NAV2: variants seen among roughly 807,000 people sequenced by gnomAD.
The protein encoded by NAV2 is helicase, APC down-regulated 1.
NAV2 carries 54 observed loss-of-function variants against 223.2 expected under a neutral mutation model. The ratio of observed to expected loss-of-function variants is 0.24; its 90% CI spans 0.19 to 0.30. The LOEUF is 0.30. NAV2 is among the 10% of genes least tolerant of loss of function. The pLI is 1.00. For missense variants in NAV2, 2,806 were observed against 3,147.5 expected, an observed-to-expected ratio of 0.89 and a Z score of 2.60; for synonymous variants, 1,279 against 1,239.3, an observed-to-expected ratio of 1.03 and a Z score of -0.67.
At chr11:19,997,624 G>A (rs1294230742) in intron 11 of NAV2, among the ~76,000 whole-genome samples, 1 of 152,134 alleles carries the variant, frequency 6.6e-6, no homozygotes, top group Non-Finnish European at 1.5e-5. Flanking sequence ...AAGGAATCCT[G>A]GCTCAGTGAG....
chr11:20,103,329 C>A lies in NAV2; in HGVS notation c.6492C>A (p.Val2164=). The change falls in exon 33 of 38, where the codon GTC becomes GTA. Residue 2164 remains valine, a synonymous_variant. Transcript: ENST00000349880. ...SENNAVDMPL[V]IILDNLHHVS... is the part of the protein sequence containing the mutation. ...ACAATGCTGTGGACATGCCCCTCGT[C>A]ATCATCCTGGACAACCTACACCACG... 2 of 1,614,186 alleles carry A rather than the reference C, an allele frequency of 1.2e-6. No individual in the cohort carries two copies. The highest frequency in any genetic ancestry group is 1.7e-6 in the Non-Finnish European group (2 of 1,180,000).
intron 1 of NAV2, among the ~76,000 whole-genome samples, chr11:19,394,254 G>A (rs1392428018): frequency 1.2e-4 from 18 of 152,160 alleles, no homozygotes; most frequent in Admixed American, 1.2e-3. Context: ...CTGGGAAAGA[G>A]GGTATTTCCC....
At chr11:19,878,990 G>A (rs1429853211) in intron 4 of NAV2, among the ~76,000 whole-genome samples, 1 of 152,118 alleles carries the variant, frequency 6.6e-6, no homozygotes. Context: ...TGTTGAGTAA[G>A]TTTGCCCCCA....
intron 1 of NAV2, among the ~76,000 whole-genome samples, chr11:19,434,836 C>G (rs557511474): frequency 7.1e-5 from 10 of 141,608 alleles, no homozygotes; most frequent in African/African-American, 2.6e-4. Context: ...AGGAAAGAAG[C>G]AAAAGGTTGT....
intron 1 of NAV2, among the ~76,000 whole-genome samples, chr11:19,745,753 A>G (rs56924899): frequency 1.1e-3 from 175 of 152,298 alleles, no homozygotes; most frequent in African/African-American, 4.0e-3. Context: ...TGCAGTTCAC[A>G]ATCGGGTTCA....
At chr11:19,880,226 T>G in intron 5 of NAV2, 99 bp downstream of exon 5, 1 of 1,422,494 alleles carries the variant, frequency 7.0e-7, no homozygotes, top group Non-Finnish European at 9.3e-7. Context: ...CATTTGTGCT[T>G]CTTCAATGCT....
intron 1 of NAV2, among the ~76,000 whole-genome samples, chr11:19,380,800 C>A (rs888532848): frequency 3.9e-5 from 6 of 152,200 alleles, no homozygotes; most frequent in African/African-American, 1.2e-4. Context: ...GAACAAAGAA[C>A]CACTTGTGTA....
rs192914917 is a variant in NAV2, at chr11:19,378,750, C to T, written c.75+27723C>T. ...TTGATTGTCTCCTCTGAAAGAATAG[C>T]TGATCAGCACACACACCTTAGTGCT... On this transcript the variant is annotated intron_variant, in intron 1 of 37. Coordinates refer to the NAV2 transcript ENST00000360655. Among the ~76,000 whole-genome samples the T allele has an allele frequency of 8.4e-3, 1,286 of 152,240 alleles. 13 individuals are homozygous for T. The highest frequency in any genetic ancestry group is 0.029 in the African/African-American group (1,225 of 41,544).
intron 25 of NAV2, among the ~76,000 whole-genome samples, chr11:20,082,214 T>C (rs907161451): frequency 2.0e-5 from 3 of 152,132 alleles, no homozygotes; most frequent in Admixed American, 6.6e-5. Context: ...GAAGCTAGAA[T>C]TGCTCAAAAA....
At chr11:19,920,352 A>G (rs374716797) in intron 6 of NAV2, among the ~76,000 whole-genome samples, 30 of 152,334 alleles carry the variant, frequency 2.0e-4, no homozygotes, top group Non-Finnish European at 4.0e-4. Flanking sequence ...CAGTGGCTCA[A>G]TCTCAGCTCA....
At chr11:20,050,018 C>T in intron 16 of NAV2, 117 bp downstream of exon 16, 1 of 844,220 alleles carries the variant, frequency 1.2e-6, no homozygotes, top group South Asian at 1.4e-5. Context: ...GTGTTTGTGG[C>T]TCTAGTGTAC....
intron 1 of NAV2, among the ~76,000 whole-genome samples, chr11:19,551,465 C>T (rs1046829702): frequency 2.6e-5 from 4 of 152,218 alleles, no homozygotes; most frequent in Non-Finnish European, 4.4e-5. Flanking sequence ...GGCTGCTCCC[C>T]AGCCTGAGCC....
At chr11:19,388,369 G>A (rs1409530648) in intron 1 of NAV2, among the ~76,000 whole-genome samples, 1 of 152,214 alleles carries the variant, frequency 6.6e-6, no homozygotes, top group African/African-American at 2.4e-5. Context: ...TATCTCAGAT[G>A]TCTTGAGTCC....
At chr11:19,741,833 A>G (rs958217521) in intron 1 of NAV2, among the ~76,000 whole-genome samples, 15 of 151,776 alleles carry the variant, frequency 9.9e-5, no homozygotes, top group African/African-American at 3.4e-4. Flanking sequence ...AGATATGTCT[A>G]TGAGGTGCTG....
At chr11:20,071,121 A>G (rs1482218960) in intron 22 of NAV2, among the ~76,000 whole-genome samples, 1 of 44,210 alleles carries the variant, frequency 2.3e-5, no homozygotes, top group Non-Finnish European at 4.1e-5. Flanking sequence ...CCACCCCCCG[A>G]CAGGCCCTGG....
intron 1 of NAV2, among the ~76,000 whole-genome samples, chr11:19,737,168 C>A (rs956080265): frequency 6.6e-6 from 1 of 152,220 alleles, no homozygotes; most frequent in African/African-American, 2.4e-5. Context: ...CAGCTGAGGA[C>A]AGGGACTCCT....
intron 3 of NAV2, among the ~76,000 whole-genome samples, chr11:19,851,609 C>A (rs2152977483): frequency 6.6e-6 from 1 of 152,286 alleles, no homozygotes; most frequent in Middle Eastern, 3.4e-3. Flanking sequence ...CTCATCCTGG[C>A]TCACAGTTAA....
At chr11:19,363,062 A>T (rs961307775) in intron 1 of NAV2, among the ~76,000 whole-genome samples, 1 of 152,182 alleles carries the variant, frequency 6.6e-6, no homozygotes, top group Non-Finnish European at 1.5e-5. Flanking sequence ...TACACGTGCC[A>T]TGCTGGTTTG....
intron 6 of NAV2, among the ~76,000 whole-genome samples, chr11:19,924,529 A>G (rs1266560811): frequency 2.0e-5 from 3 of 152,238 alleles, no homozygotes; most frequent in Non-Finnish European, 4.4e-5. Context: ...TGTGTGGTTC[A>G]TGCAGGACAG....
Sources: allele counts gnomAD v4.1 joint callset (sites outside exome capture counted in the v4.1 genomes callset), GRCh38; gene constraint gnomAD v4.1.1; transcripts MANE v1.5; gene names NCBI Gene and HGNC (gene_info 2026-07-23, HGNC 2026-07-21).